AOAH: variants seen among roughly 807,000 people sequenced by gnomAD.
The protein encoded by AOAH is acyloxyacyl hydrolase, also known as acyloxyacyl hydrolase (neutrophil).
Under a neutral mutation model 92.2 loss-of-function variants are expected in AOAH, and 64 were observed. The observed-to-expected ratio is 0.69, with a 90% CI of 0.57 to 0.86. AOAH has a LOEUF of 0.86. Among genes scored for constraint, AOAH ranks in the 40% least tolerant of loss-of-function variants. The probability of loss-of-function intolerance (pLI) is 0.00; values close to 1 mark genes in which losing one functional copy is unlikely to be tolerated. For synonymous variants in AOAH, 263 were observed against 254.5 expected, an observed-to-expected ratio of 1.03 and a Z score of -0.32; for missense variants, 656 against 694.6, an observed-to-expected ratio of 0.94 and a Z score of 0.62.
chr7:36,669,629 C>T (rs111780654), intron 3 of AOAH, among the ~76,000 whole-genome samples: 8,784 of 152,088 alleles, frequency 0.058, 264 homozygotes, highest in African/African-American at 0.069. Context: ...GTGATCCACC[C>T]GCCTCAGCCT....
intron 8 of AOAH, 60 bp from the exon 9 acceptor site, chr7:36,620,889 T>C (rs1792230440): frequency 1.4e-6 from 2 of 1,474,212 alleles, no homozygotes; most frequent in Non-Finnish European, 1.9e-6. Context: ...TGGATGTCAG[T>C]TTCATGCATG....
intron 4 of AOAH, among the ~76,000 whole-genome samples, chr7:36,655,734 C>T (rs1006569083): frequency 7.9e-5 from 12 of 152,078 alleles, no homozygotes; most frequent in Non-Finnish European, 1.3e-4. Context: ...GCACTTTACC[C>T]GTTCATTGCG....
intron 4 of AOAH, among the ~76,000 whole-genome samples, chr7:36,646,943 C>T (rs745482001): frequency 6.6e-4 from 100 of 152,266 alleles, no homozygotes; most frequent in Admixed American, 5.2e-3. Context: ...GACACAGTTA[C>T]GAGGGACTTG....
intron 2 of AOAH, among the ~76,000 whole-genome samples, chr7:36,686,440 T>C (rs1002369709): frequency 6.6e-6 from 1 of 152,234 alleles, no homozygotes; most frequent in East Asian, 1.9e-4. Flanking sequence ...CAAACAACAA[T>C]TGGCCATTCA....
Position 36,678,397 on chromosome 7 carries a change from G to A in AOAH, c.224-4388C>T, listed in dbSNP as rs565193999. Among the ~76,000 whole-genome samples the A allele has an allele frequency of 3.3e-5, 5 of 152,272 alleles. No homozygotes were observed. The South Asian group carries it at 1.0e-3, about 32-fold the overall frequency. On this transcript the variant is annotated intron_variant, in intron 2 of 20. Transcript: ENST00000617537. Reference sequence around the variant, plus strand: ...AAGAGATATTCCAAATTAAATGAAGGAGCTTTGGAAAAAAGTTAAAAGTAC... The same window carrying A: ...AAGAGATATTCCAAATTAAATGAAGAAGCTTTGGAAAAAAGTTAAAAGTAC...
intron 9 of AOAH, among the ~76,000 whole-genome samples, chr7:36,618,675 G>A (rs1004972963): frequency 6.6e-5 from 10 of 152,140 alleles, no homozygotes; most frequent in East Asian, 3.9e-4. Context: ...GGGTCTGGGC[G>A]GATTCTGCAG....
intron 13 of AOAH, among the ~76,000 whole-genome samples, chr7:36,561,374 C>T (rs1428713112): frequency 2.6e-5 from 4 of 152,098 alleles, no homozygotes; most frequent in Admixed American, 6.5e-5. Context: ...AAATCCAACC[C>T]CAATGCTCGA....
intron 16 of AOAH, among the ~76,000 whole-genome samples, chr7:36,536,320 A>G (rs1465224842): frequency 6.6e-6 from 1 of 152,206 alleles, no homozygotes; most frequent in Non-Finnish European, 1.5e-5. Context: ...AGTCAAGTCT[A>G]AACACTATGA....
intron 13 of AOAH, among the ~76,000 whole-genome samples, chr7:36,554,878 T>C (rs1016493413): frequency 2.0e-5 from 3 of 150,180 alleles, no homozygotes; most frequent in African/African-American, 7.4e-5. Flanking sequence ...CTTAAGGAGA[T>C]TTTGGGCTGA....
At chr7:36,536,361 C>A (rs74529386) in intron 16 of AOAH, among the ~76,000 whole-genome samples, 2,445 of 152,236 alleles carry the variant, frequency 0.016, 65 homozygotes, top group African/African-American at 0.054. Flanking sequence ...AATAAATGGA[C>A]CTCACCCTCT....
At chr7:36,688,693 A>T (rs2116795957) in intron 1 of AOAH, among the ~76,000 whole-genome samples, 1 of 152,210 alleles carries the variant, frequency 6.6e-6, no homozygotes, top group South Asian at 2.1e-4. Context: ...GTTAGACCAT[A>T]TGTTCCTTAA....
intron 13 of AOAH, among the ~76,000 whole-genome samples, chr7:36,565,028 A>G (rs1787586816): frequency 6.6e-6 from 1 of 152,264 alleles, no homozygotes; most frequent in Non-Finnish European, 1.5e-5. Context: ...GAGATATGTC[A>G]TATTGAATTC....
At chr7:36,519,857 TCTATA>T (rs1488527962) in intron 20 of AOAH, among the ~76,000 whole-genome samples, 1 of 152,256 alleles carries the variant, frequency 6.6e-6, no homozygotes, top group African/African-American at 2.4e-5. Flanking sequence ...ATTTTCCTAC[TCTATA>T]CTATAATTTT....
At chr7:36,671,091 T>C (rs58514798) in intron 3 of AOAH, among the ~76,000 whole-genome samples, 1 of 152,220 alleles carries the variant, frequency 6.6e-6, no homozygotes, top group South Asian at 2.1e-4. Context: ...TTCCCTGATC[T>C]AGGCTCCTAC....
intron 1 of AOAH, among the ~76,000 whole-genome samples, chr7:36,707,139 T>C (rs1798468169): frequency 6.6e-6 from 1 of 152,050 alleles, no homozygotes; most frequent in Admixed American, 6.6e-5. Flanking sequence ...TGGCTTTTGA[T>C]TTAAAGTGAG....
chr7:36,576,918 A>G (rs1049179249), intron 12 of AOAH, among the ~76,000 whole-genome samples: 2 of 152,162 alleles, frequency 1.3e-5, no homozygotes, highest in Non-Finnish European at 2.9e-5. Flanking sequence ...AAAGACCTCC[A>G]GAGTCATCCC....
intron 15 of AOAH, among the ~76,000 whole-genome samples, chr7:36,543,648 G>A (rs889199161): frequency 2.0e-5 from 3 of 152,192 alleles, no homozygotes; most frequent in Admixed American, 6.5e-5. Flanking sequence ...TTGTATTTAT[G>A]AAAGGGCACC....
intron 13 of AOAH, among the ~76,000 whole-genome samples, chr7:36,571,382 A>G (rs1256237101): frequency 2.0e-5 from 3 of 152,126 alleles, no homozygotes; most frequent in Non-Finnish European, 2.9e-5. Context: ...CCCCCAGCAC[A>G]TCCAAGAGCT....
At chr7:36,702,547 G>A (rs1194567625) in intron 1 of AOAH, among the ~76,000 whole-genome samples, 1 of 152,166 alleles carries the variant, frequency 6.6e-6, no homozygotes, top group Non-Finnish European at 1.5e-5. Context: ...ATAGTCACAT[G>A]AAATTTTGGT....
Sources: allele counts gnomAD v4.1 joint callset (sites outside exome capture counted in the v4.1 genomes callset), GRCh38; gene constraint gnomAD v4.1.1; transcripts MANE v1.5; gene names NCBI Gene and HGNC (gene_info 2026-07-23, HGNC 2026-07-21).